PTPRN2: variants seen among roughly 807,000 people sequenced by gnomAD.
PTPRN2 encodes the protein protein tyrosine phosphatase receptor type N2.
A neutral mutation model predicts 118.8 loss-of-function variants in PTPRN2; 74 were observed. The observed-to-expected ratio is 0.62, with a 90% CI of 0.52 to 0.76. PTPRN2 has a LOEUF of 0.76. PTPRN2 is among the 30% of genes least tolerant of loss of function. The pLI is 0.00. For synonymous variants in PTPRN2, 641 were observed against 608.0 expected (o/e 1.05, Z -0.80); for missense variants, 1,481 against 1,394.4 (o/e 1.06, Z -0.99).
chr7:158,552,925 T>A (rs1826756839), intron 1 of PTPRN2, among the ~76,000 whole-genome samples: 1 of 152,084 alleles, frequency 6.6e-6, no homozygotes, highest in Admixed American at 6.5e-5. Context: ...CCAGCCTCCC[T>A]GTCTACACAA....
intron 12 of PTPRN2, among the ~76,000 whole-genome samples, chr7:157,860,281 C>A (rs1025916650): frequency 5.3e-5 from 8 of 152,244 alleles, no homozygotes; most frequent in Non-Finnish European, 1.2e-4. Flanking sequence ...AGGACACACA[C>A]CTGAGGGTGG....
chr7:158,584,646 G>T (rs1828820631), intron 1 of PTPRN2, among the ~76,000 whole-genome samples: 1 of 152,202 alleles, frequency 6.6e-6, no homozygotes, highest in South Asian at 2.1e-4. Context: ...GGGAGGGCAG[G>T]AAACTAAATA....
At chr7:157,614,104 GGGAGGAGGAAAAA>G in intron 15 of PTPRN2, 1 of 471,312 alleles carries the variant, frequency 2.1e-6, no homozygotes, top group Non-Finnish European at 4.4e-6. Context: ...TGAAAGAGGT[GGGAGGAGGAAAAA>G]GGAGGACGGA....
In PTPRN2 at chr7:157,589,693, C is replaced by T. The variant is rs139200832; in HGVS notation, c.2496+5545G>A. 2.7e-3 allele frequency among the ~76,000 whole-genome samples: 407 copies of T among 152,324 alleles called. 3 individuals carry two copies. The highest frequency in any genetic ancestry group is 9.2e-3 in the African/African-American group (384 of 41,572). ...AACAGTAAAACCTCACAGCCAAACTCGTGTTCCTAATTTAAAATTTATTAG... is the reference window on the plus strand; with the variant it reads ...AACAGTAAAACCTCACAGCCAAACTTGTGTTCCTAATTTAAAATTTATTAG... On this transcript the variant is annotated intron_variant, in intron 17 of 22. Transcript: ENST00000389418.
chr7:158,222,225 C>T (rs949914505), intron 3 of PTPRN2, among the ~76,000 whole-genome samples: 7 of 152,070 alleles, frequency 4.6e-5, no homozygotes, highest in Non-Finnish European at 1.0e-4. Flanking sequence ...CCAGTATGGG[C>T]ATATAGCCAA....
intron 12 of PTPRN2, among the ~76,000 whole-genome samples, chr7:157,768,979 C>T (rs558736031): frequency 1.3e-5 from 2 of 152,282 alleles, no homozygotes; most frequent in East Asian, 1.9e-4. Flanking sequence ...TTACTGTCAC[C>T]GCTGTGTGCT....
intron 2 of PTPRN2, among the ~76,000 whole-genome samples, chr7:158,336,978 ATG>A (rs1805699515): frequency 3.8e-5 from 1 of 26,394 alleles, no homozygotes; most frequent in Non-Finnish European, 1.7e-4. Flanking sequence ...ATAAGAGCTG[ATG>A]CCCGCAGACG....
At chr7:157,924,221 G>T (rs1191650288) in intron 11 of PTPRN2, among the ~76,000 whole-genome samples, 1 of 152,222 alleles carries the variant, frequency 6.6e-6, no homozygotes, top group Non-Finnish European at 1.5e-5. Flanking sequence ...GGAGGTCTAT[G>T]TGGCTTCCTG....
In PTPRN2 at chr7:158,186,551, C is replaced by T. The variant is rs533481468; in HGVS notation, c.549+5776G>A. On this transcript the variant is annotated intron_variant, in intron 5 of 22. Transcript: ENST00000389418. Reference sequence around the variant, plus strand: ...GAGTACGCCTGGGCTCACCTGCCCCCTCCGTCAGAAGCCCGCCTGGGCCAC... The same window carrying T: ...GAGTACGCCTGGGCTCACCTGCCCCTTCCGTCAGAAGCCCGCCTGGGCCAC... Among the ~76,000 whole-genome samples, 1,086 of 151,318 alleles carry T rather than the reference C, an allele frequency of 7.2e-3. 3 individuals are homozygous for T. The highest frequency in any genetic ancestry group is 0.01 in the Non-Finnish European group (682 of 67,968).
At chr7:157,651,769 T>C (rs1409586616) in intron 14 of PTPRN2, among the ~76,000 whole-genome samples, 1 of 152,260 alleles carries the variant, frequency 6.6e-6, no homozygotes, top group Non-Finnish European at 1.5e-5. Context: ...ATAACCGTCC[T>C]GCGAAGTCGC....
intron 5 of PTPRN2, among the ~76,000 whole-genome samples, chr7:158,187,066 C>G (rs1825225273): frequency 6.6e-6 from 1 of 152,168 alleles, no homozygotes; most frequent in African/African-American, 2.4e-5. Flanking sequence ...GTCAATAAAA[C>G]AGGAAGCGTT....
intron 14 of PTPRN2, among the ~76,000 whole-genome samples, chr7:157,631,104 A>T (rs1210093422): frequency 6.6e-6 from 1 of 152,120 alleles, no homozygotes; most frequent in Non-Finnish European, 1.5e-5. Flanking sequence ...AAGCCCAGAG[A>T]CCCTTGAAAA....
Position 158,565,005 on chromosome 7 carries a change from C to T in PTPRN2, c.112+22553G>A, listed in dbSNP as rs577072780. ...CCTGCGCAGGCCCTGCCCCACGTAACGGCTTTACACAAACTCTAAAAAGTC... is the reference window on the plus strand; with the variant it reads ...CCTGCGCAGGCCCTGCCCCACGTAATGGCTTTACACAAACTCTAAAAAGTC... On this transcript the variant is annotated intron_variant, in intron 1 of 22. Coordinates refer to ENST00000389418, the MANE Select transcript of PTPRN2 (RefSeq NM_002847.5). The surrounding 1 kb of genome is among the most constrained non-coding windows in gnomAD (Gnocchi z 4.6). Among the ~76,000 whole-genome samples, 11 of 152,310 alleles carry T rather than the reference C, an allele frequency of 7.2e-5. No homozygotes were observed. The South Asian group carries it at 2.1e-3, about 29-fold the overall frequency.
intron 2 of PTPRN2, among the ~76,000 whole-genome samples, chr7:158,340,814 A>G (rs1389819563): frequency 7.0e-5 from 2 of 28,766 alleles, no homozygotes; most frequent in African/African-American, 2.3e-4. Context: ...ACACCCACAC[A>G]TGTCACTCAC....
intron 17 of PTPRN2, among the ~76,000 whole-genome samples, chr7:157,588,590 C>T (rs1800809306): frequency 6.6e-6 from 1 of 152,212 alleles, no homozygotes; most frequent in Admixed American, 6.5e-5. Context: ...GTGGGGAAGT[C>T]TCGGCACCTG....
rs113444000 is a variant in PTPRN2 at position 158,330,082 on chromosome 7, A to G, written c.164-13150T>C. On this transcript the variant is annotated intron_variant, in intron 2 of 22. Transcript: ENST00000389418. Reference sequence around the variant, plus strand: ...CCACACTCTCACCATAAGAGCTGACACCTGCAGACGTCACTCACACCCACA... The same window carrying G: ...CCACACTCTCACCATAAGAGCTGACGCCTGCAGACGTCACTCACACCCACA... 3.6e-3 allele frequency among the ~76,000 whole-genome samples: 447 copies of G among 125,788 alleles called. 1 individual carries two copies. The highest frequency in any genetic ancestry group is 0.013 in the African/African-American group (413 of 31,296). 82.5% of individuals were successfully genotyped at this position (125,788 alleles called of 152,430 possible). A position where few individuals can be genotyped will look rare whatever the true frequency, so the allele number is the denominator to read the frequency against.
At chr7:158,150,365 T>C (rs147767205) in intron 6 of PTPRN2, among the ~76,000 whole-genome samples, 32 of 152,338 alleles carry the variant, frequency 2.1e-4, no homozygotes, top group Non-Finnish European at 3.5e-4. Context: ...ACCAAGGGTG[T>C]ACCCCAGTCT....
At chr7:158,277,116 C>G (rs1259428993) in intron 3 of PTPRN2, among the ~76,000 whole-genome samples, 1 of 148,706 alleles carries the variant, frequency 6.7e-6, no homozygotes, top group South Asian at 2.1e-4. Flanking sequence ...CGTGCACACA[C>G]ACACACACGT....
chr7:158,001,176 G>T (rs1469863082), intron 11 of PTPRN2, among the ~76,000 whole-genome samples: 1 of 142,216 alleles, frequency 7.0e-6, no homozygotes, highest in Non-Finnish European at 1.5e-5. Context: ...CGCAGGTCTG[G>T]TGCAACGTGG....
Sources: gnomAD v4.1 joint callset for allele counts (sites outside exome capture counted in the v4.1 genomes callset) on GRCh38, gnomAD v4.1.1 for gene constraint, Gnocchi (gnomAD v3.1) non-coding constraint, MANE v1.5 for transcripts, NCBI Gene and HGNC (gene_info 2026-07-23, HGNC 2026-07-21) for gene names.